Variants in PGM5 observed in about 807,000 individuals in gnomAD.
PGM5 encodes the protein phosphoglucomutase-like protein 5.
A neutral mutation model predicts 59.2 loss-of-function variants in PGM5; 23 were observed. The observed-to-expected ratio is 0.39, with a 90% CI of 0.28 to 0.55. The LOEUF (loss-of-function observed/expected upper bound fraction) is 0.55. Ranked by LOEUF, PGM5 falls within the 20% of genes least tolerant of loss-of-function variation. The probability of loss-of-function intolerance (pLI) is 0.66; values close to 1 mark genes in which losing one functional copy is unlikely to be tolerated. For synonymous variants in PGM5, 214 were observed against 286.0 expected (o/e 0.75, Z 2.54); for missense variants, 574 against 748.3 (o/e 0.77, Z 2.72).
intron 6 of PGM5, among the ~76,000 whole-genome samples, chr9:68,418,089 G>C (rs1025387905): frequency 5.3e-5 from 8 of 152,146 alleles, no homozygotes; most frequent in Admixed American, 2.0e-4. Context: ...GGCCACCAAG[G>C]GCCATTCTCT....
intron 6 of PGM5, among the ~76,000 whole-genome samples, chr9:68,423,629 A>ATCTCTCTCTCTCTC (rs368417025): frequency 2.4e-4 from 31 of 129,430 alleles, no homozygotes; most frequent in African/African-American, 8.4e-4. Flanking sequence ...AGAGCACAAA[A>ATCTCTCTCTCTCTC]TCTCTCTCTC....
intron 8 of PGM5, 90 bp from the exon 9 acceptor site, chr9:68,483,775 G>T: frequency 8.2e-7 from 1 of 1,212,386 alleles, no homozygotes; most frequent in East Asian, 2.4e-5. Context: ...TCCTTCCCTG[G>T]AAACAGAACC....
At chr9:68,412,560 C>T (rs1822952505) in intron 6 of PGM5, among the ~76,000 whole-genome samples, 2 of 152,204 alleles carry the variant, frequency 1.3e-5, no homozygotes, top group South Asian at 2.1e-4. Context: ...AATCACCCTT[C>T]GTTGATGGAT....
intron 1 of PGM5, 32 bp from the exon 2 acceptor site, chr9:68,378,167 A>G: frequency 1.4e-6 from 2 of 1,455,054 alleles, no homozygotes; most frequent in South Asian, 1.3e-5. Flanking sequence ...ATCCCAAGGA[A>G]CTGGATTGAT....
In PGM5 at chr9:68,461,029, G is replaced by A. The variant is rs564123748; in HGVS notation, c.1044-4064G>A. Reference sequence around the variant, plus strand: ...GGACTATACTCATTAAGATAGTGTCGCTGCTACTATAAAAATATCCCCAAG... The same window carrying A: ...GGACTATACTCATTAAGATAGTGTCACTGCTACTATAAAAATATCCCCAAG... On this transcript the variant is annotated intron_variant, in intron 6 of 10. Transcript: ENST00000396396. Among the ~76,000 whole-genome samples, 7 of 152,252 alleles carry A rather than the reference G, an allele frequency of 4.6e-5. No individual in the cohort carries two copies. The South Asian group carries it at 6.2e-4, about 14-fold the overall frequency.
chr9:68,375,369 T>C (rs1293141824), intron 1 of PGM5, among the ~76,000 whole-genome samples: 1 of 152,220 alleles, frequency 6.6e-6, no homozygotes, highest in Non-Finnish European at 1.5e-5. Context: ...AATATTCCAG[T>C]CCACCTGCAT....
chr9:68,371,203 C>G (rs183098329), intron 1 of PGM5, among the ~76,000 whole-genome samples: 36 of 152,312 alleles, frequency 2.4e-4, no homozygotes, highest in Non-Finnish European at 5.0e-4. Flanking sequence ...CCAGCCAAAC[C>G]CAGACCCTAT....
rs573113887 is a variant in PGM5, at chr9:68,467,942, A to G, written c.1159+2734A>G. Among the ~76,000 whole-genome samples the G allele has an allele frequency of 2.5e-4, 38 of 151,934 alleles. No homozygotes were observed. The East Asian group carries it at 6.9e-3, about 28-fold the overall frequency. ...TCCAAAAACTCTATATTCTCTTGGG[A>G]TTTTAAAATATATAATCACATAATC... On this transcript the variant is annotated intron_variant, in intron 7 of 10. Coordinates refer to ENST00000396396, the MANE Select transcript of PGM5 (RefSeq NM_021965.4).
rs552169537 is a variant in PGM5 at position 68,359,904 on chromosome 9, C to G, written c.261+2516C>G. On this transcript the variant is annotated intron_variant, in intron 1 of 10. Transcript: ENST00000396396. The stretch of plus-strand genomic sequence containing the variant: ...TGTTGCCCAGGCTGGAGTGCAATGG[C>G]ACAGTCTTGGCTCACTGTAGCCTTG... Among the ~76,000 whole-genome samples the G allele has an allele frequency of 2.9e-3, 443 of 152,218 alleles. 6 individuals carry two copies. Among genetic ancestry groups the G allele is most frequent in the Non-Finnish European group, 1.3e-3 (87 of 68,022 alleles).
intron 2 of PGM5, among the ~76,000 whole-genome samples, chr9:68,383,694 C>CAAA (rs71353049): frequency 0.033 from 3,325 of 99,320 alleles, 70 homozygotes; most frequent in East Asian, 0.14. Context: ...AACCTTGTTG[C>CAAA]AAAAAAAAAA....
chr9:68,471,531 G>A (rs993776698), intron 7 of PGM5, among the ~76,000 whole-genome samples: 1 of 151,722 alleles, frequency 6.6e-6, no homozygotes, highest in African/African-American at 2.4e-5. Flanking sequence ...GGTGGTTTGT[G>A]CCTATGTGGG....
intron 6 of PGM5, among the ~76,000 whole-genome samples, chr9:68,459,325 C>G (rs1823824026): frequency 6.6e-6 from 1 of 152,184 alleles, no homozygotes; most frequent in Non-Finnish European, 1.5e-5. Flanking sequence ...CAGAATAGCA[C>G]CTGAAGCTTC....
chr9:68,459,154 C>G (rs1175315836), intron 6 of PGM5, among the ~76,000 whole-genome samples: 5 of 152,178 alleles, frequency 3.3e-5, no homozygotes, highest in Non-Finnish European at 7.4e-5. Flanking sequence ...CTAATTCAAA[C>G]ATGCACTTAG....
chr9:68,450,680 T>C (rs1469494795), intron 6 of PGM5, among the ~76,000 whole-genome samples: 1 of 152,218 alleles, frequency 6.6e-6, no homozygotes, highest in African/African-American at 2.4e-5. Flanking sequence ...AAATCCACTG[T>C]CATATTTCAT....
chr9:68,468,020 C>CCTCG (rs1168663465), intron 7 of PGM5, among the ~76,000 whole-genome samples: 3 of 149,710 alleles, frequency 2.0e-5, no homozygotes, highest in Non-Finnish European at 3.0e-5. Flanking sequence ...ACCCACCCTC[C>CCTCG]CTTCCTTCCT....
intron 6 of PGM5, among the ~76,000 whole-genome samples, chr9:68,411,396 C>T (rs1460932456): frequency 6.8e-6 from 1 of 147,828 alleles, no homozygotes. Context: ...TATATATATA[C>T]ACACACATAT....
At chr9:68,460,022 C>T (rs1353173600) in intron 6 of PGM5, among the ~76,000 whole-genome samples, 1 of 151,966 alleles carries the variant, frequency 6.6e-6, no homozygotes, top group Non-Finnish European at 1.5e-5. Flanking sequence ...TACCATGGGC[C>T]CTTCTTGGCT....
intron 6 of PGM5, among the ~76,000 whole-genome samples, chr9:68,449,476 G>A (rs1823662560): frequency 6.6e-6 from 1 of 152,214 alleles, no homozygotes; most frequent in African/African-American, 2.4e-5. Flanking sequence ...TTTTCCTCAA[G>A]GTGAACTTCA....
At chr9:68,517,418 G>GT (rs1303456450) in intron 10 of PGM5, among the ~76,000 whole-genome samples, 2 of 152,182 alleles carry the variant, frequency 1.3e-5, no homozygotes, top group Admixed American at 6.5e-5. Flanking sequence ...TCCTGGATAT[G>GT]TAACTATCCA....
Sources: allele counts gnomAD v4.1 joint callset (sites outside exome capture counted in the v4.1 genomes callset), GRCh38; gene constraint gnomAD v4.1.1; transcripts MANE v1.5; gene names NCBI Gene and HGNC (gene_info 2026-07-23, HGNC 2026-07-21).